Variants in ADD3 observed in about 807,000 individuals in gnomAD.
ADD3 encodes adducin 3.
A neutral mutation model predicts 80.2 loss-of-function variants in ADD3; 25 were observed. That is an observed-to-expected ratio of 0.31 (90% CI 0.23 to 0.44). ADD3 has a LOEUF of 0.44. ADD3 is among the 20% of genes least tolerant of loss of function. The pLI is 1.00. For missense variants in ADD3, 829 were observed against 847.5 expected (o/e 0.98, Z 0.27); for synonymous variants, 284 against 289.6 (o/e 0.98, Z 0.20).
rs563288646 is a variant in ADD3 at position 110,116,370 on chromosome 10, A to G, written c.446A>G (p.Asp149Gly). 1.9e-6 allele frequency: 3 copies of G among 1,614,144 alleles called. No individual in the cohort carries two copies. The highest frequency in any genetic ancestry group is 1.3e-5 in the African/African-American group (1 of 75,026). The change falls in exon 4 of 15, where the codon GAC becomes GGC. Residue 149 changes from aspartate to glycine, a missense_variant. Asp to Gly is a moderately conservative substitution (Grantham distance 94). Coordinates refer to ENST00000356080, the MANE Select transcript of ADD3 (RefSeq NM_016824.5). ...CTTGCCAGCCTGTACAGACTTGTAG[A>G]CTTGTTTGGATGGGCACACCTGGCA... ...CKLASLYRLV[D>G]LFGWAHLANT...
chr10:110,007,670 C>G (rs528672312), upstream of ADD3, among the ~76,000 whole-genome samples: 33 of 152,256 alleles, frequency 2.2e-4, no homozygotes, highest in East Asian at 5.2e-3. Context: ...TCCCGGCTGC[C>G]GGGCCTGCAG....
intron 1 of ADD3, among the ~76,000 whole-genome samples, chr10:110,098,460 A>G (rs1004262445): frequency 6.6e-6 from 1 of 152,176 alleles, no homozygotes; most frequent in African/African-American, 2.4e-5. Flanking sequence ...AAATGTTTTT[A>G]TCTTTCTGCA....
In ADD3 at chr10:110,112,817, T is replaced by A; in HGVS notation, c.236T>A (p.Met79Lys). The change falls in exon 3 of 15, where the codon ATG becomes AAG. Residue 79 changes from methionine to lysine, a missense_variant. Met to Lys is a moderately conservative substitution (Grantham distance 95). Transcript: ENST00000356080. ...TTGGAATGCCTTATTCAAGAACAGATGAAGAAAGGCCACAACCCAACTGGA... is the reference window on the plus strand; with the variant it reads ...TTGGAATGCCTTATTCAAGAACAGAAGAAGAAAGGCCACAACCCAACTGGA... ...EDLECLIQEQMKKGHNPTGLL... is the reference protein window; with the variant it reads ...EDLECLIQEQKKKGHNPTGLL... 1 of 1,614,094 alleles carries A rather than the reference T, an allele frequency of 6.2e-7. No homozygotes were observed. Among genetic ancestry groups the A allele is most frequent in the East Asian group, 2.2e-5 (1 of 44,870 alleles).
intron 3 of ADD3, among the ~76,000 whole-genome samples, chr10:110,113,546 C>T (rs1027010838): frequency 1.6e-4 from 25 of 152,142 alleles, no homozygotes; most frequent in African/African-American, 5.8e-4. Flanking sequence ...GGATTACAGG[C>T]CTGAGCCACT....
intron 1 of ADD3, among the ~76,000 whole-genome samples, chr10:110,055,056 C>T (rs1320650389): frequency 2.6e-5 from 4 of 152,190 alleles, no homozygotes; most frequent in African/African-American, 9.6e-5. Flanking sequence ...CCACCGCACC[C>T]AGCAGTTTTC....
chr10:110,030,356 A>G lies in ADD3; in HGVS notation c.-30+22057A>G, dbSNP rs539353283. ...AAAAAAAAAGAAAGTGGTGATTATT[A>G]TGTGATTGGCATTTCTCCACCAATT... On this transcript the variant is annotated intron_variant, in intron 1 of 14. Coordinates refer to ENST00000356080, the MANE Select transcript of ADD3 (RefSeq NM_016824.5). Among the ~76,000 whole-genome samples the G allele has an allele frequency of 2.3e-4, 34 of 150,850 alleles. 4 individuals carry two copies. Among genetic ancestry groups the G allele is most frequent in the Non-Finnish European group, 2.5e-4 (17 of 67,724 alleles).
rs368608613 is a variant in ADD3, at chr10:110,066,266, GTC to G, written c.-29-34351_-29-34350del. ...TTTGAGTGTTTGTTTGTTTTTGAGAGTCTCTCTCTGTCGCCCAGGCTGGAGGG... is the reference window on the plus strand; with the variant it reads ...TTTGAGTGTTTGTTTGTTTTTGAGAGTCTCTCTGTCGCCCAGGCTGGAGGG... On this transcript the variant is annotated intron_variant, in intron 1 of 14. Transcript: ENST00000356080. Among the ~76,000 whole-genome samples the G allele has an allele frequency of 7.7e-4, 117 of 152,192 alleles. 2 individuals carry two copies. The highest frequency in any genetic ancestry group is 2.5e-3 in the African/African-American group (104 of 41,522).
At chr10:110,119,162 T>C in intron 6 of ADD3, 49 bp from the exon 7 acceptor site, 7 of 1,600,260 alleles carry the variant, frequency 4.4e-6, no homozygotes, top group Non-Finnish European at 6.0e-6. Flanking sequence ...CCTATGAAAA[T>C]GTATTTAGTA....
chr10:110,063,754 T>TATA (rs1204144560), intron 1 of ADD3, among the ~76,000 whole-genome samples: 11 of 58,522 alleles, frequency 1.9e-4, no homozygotes, highest in African/African-American at 4.8e-4. Context: ...TATATATATA[T>TATA]ATATATATAT....
intron 10 of ADD3, 149 bp downstream of exon 10, chr10:110,124,423 CTCT>C: frequency 1.1e-6 from 1 of 918,032 alleles, no homozygotes; most frequent in South Asian, 1.8e-5. Context: ...GTGCAAGACA[CTCT>C]TCTAAGTGCC....
chr10:110,128,851 C>G (rs553020091), intron 12 of ADD3, among the ~76,000 whole-genome samples: 1 of 152,180 alleles, frequency 6.6e-6, no homozygotes, highest in East Asian at 1.9e-4. Flanking sequence ...TTGTCTTTGT[C>G]TATTCTGAGT....
At chr10:110,063,784 A>ATAT (rs1230336153) in intron 1 of ADD3, among the ~76,000 whole-genome samples, 113 of 53,276 alleles carry the variant, frequency 2.1e-3, no homozygotes, top group African/African-American at 2.6e-3. Flanking sequence ...TATATATATA[A>ATAT]AGTGAACACC....
chr10:110,108,096 C>T (rs1218654283), intron 2 of ADD3, among the ~76,000 whole-genome samples: 1 of 152,128 alleles, frequency 6.6e-6, no homozygotes, highest in Non-Finnish European at 1.5e-5. Flanking sequence ...GTTGGCTAAT[C>T]TGACTTAAGC....
intron 1 of ADD3, among the ~76,000 whole-genome samples, chr10:110,038,432 C>T (rs993116392): frequency 2.0e-5 from 3 of 152,114 alleles, no homozygotes; most frequent in Non-Finnish European, 2.9e-5. Flanking sequence ...GGGACAGCAG[C>T]GTAAAAACAA....
Position 110,052,820 on chromosome 10 carries a change from C to G in ADD3, c.-30+44521C>G, listed in dbSNP as rs148200317. Among the ~76,000 whole-genome samples, 56 of 152,240 alleles carry G rather than the reference C, an allele frequency of 3.7e-4. No individual in the cohort carries two copies. The East Asian group carries it at 0.01, about 28-fold the overall frequency. The stretch of plus-strand genomic sequence containing the variant: ...TGACTCAAATGAAAGGAACTAAGGT[C>G]CATTCAAAGACAGGGTTGCAGAAGT... On this transcript the variant is annotated intron_variant, in intron 1 of 14. Coordinates refer to ENST00000356080, the MANE Select transcript of ADD3 (RefSeq NM_016824.5).
chr10:110,059,802 A>T (rs1343561701), intron 1 of ADD3, among the ~76,000 whole-genome samples: 1 of 152,210 alleles, frequency 6.6e-6, no homozygotes, highest in African/African-American at 2.4e-5. Context: ...GATCATTCAT[A>T]CAAGTATGAA....
rs537045044 is a variant in ADD3, at chr10:110,133,177, A to G, written c.1829-149A>G. ...CATTAAAGAAAATTAGCTTCTTGCT[A>G]ATAGATCACAGTTTATTAAAATAAT... On this transcript the variant is annotated intron_variant, in intron 14 of 14. Coordinates refer to ENST00000356080, the MANE Select transcript of ADD3 (RefSeq NM_016824.5). 2.1e-4 allele frequency: 156 copies of G among 755,666 alleles called. 1 individual carries two copies. In the African/African-American group the frequency reaches 2.7e-3, roughly 13 times the overall value. 46.8% of individuals were successfully genotyped at this position (755,666 alleles called of 1,614,324 possible).
At chr10:110,018,439 A>C (rs1409326805) in intron 1 of ADD3, among the ~76,000 whole-genome samples, 2 of 150,570 alleles carry the variant, frequency 1.3e-5, no homozygotes, top group Non-Finnish European at 3.0e-5. Context: ...GAGGTAGGGG[A>C]ATCGCTTGAA....
chr10:110,098,090 A>G (rs191227606), intron 1 of ADD3, among the ~76,000 whole-genome samples: 1 of 152,172 alleles, frequency 6.6e-6, no homozygotes, highest in East Asian at 1.9e-4. Flanking sequence ...TTTATTTTTC[A>G]TGACCTTGAC....
Sources: allele counts gnomAD v4.1 joint callset (sites outside exome capture counted in the v4.1 genomes callset), GRCh38; gene constraint gnomAD v4.1.1; transcripts MANE v1.5; gene names NCBI Gene and HGNC (gene_info 2026-07-23, HGNC 2026-07-21).